The following PARD3B variants were observed in gnomAD, a reference collection of about 807,000 sequenced individuals.
PARD3B encodes par-3 family cell polarity regulator beta.
A neutral mutation model predicts 130.2 loss-of-function variants in PARD3B; 103 were observed. That is an observed-to-expected ratio of 0.79 (90% confidence interval 0.67 to 0.93). The LOEUF is 0.93. Among genes scored for constraint, PARD3B ranks in the 40% least tolerant of loss-of-function variants. The probability of loss-of-function intolerance (pLI) is 0.00; values close to 1 mark genes in which losing one functional copy is unlikely to be tolerated. For synonymous variants in PARD3B, 583 were observed against 553.2 expected (o/e 1.05, Z -0.76); for missense variants, 1,609 against 1,499.2 (o/e 1.07, Z -1.21).
At chr2:204,927,369 G>A (rs1219530218) in intron 2 of PARD3B, among the ~76,000 whole-genome samples, 1 of 152,136 alleles carries the variant, frequency 6.6e-6, no homozygotes, top group Non-Finnish European at 1.5e-5. Context: ...CACCATGCAA[G>A]GGTGCAGCGA....
intron 2 of PARD3B, among the ~76,000 whole-genome samples, chr2:204,910,908 C>T (rs1240419172): frequency 6.6e-6 from 1 of 152,180 alleles, no homozygotes; most frequent in Non-Finnish European, 1.5e-5. Flanking sequence ...TCCCAAAGTG[C>T]TGGGATTACA....
At chr2:205,312,836 G>A (rs998943026) in intron 18 of PARD3B, among the ~76,000 whole-genome samples, 5 of 152,080 alleles carry the variant, frequency 3.3e-5, no homozygotes, top group Admixed American at 2.6e-4. Flanking sequence ...TACTATCACA[G>A]GCCTGGGCCC....
chr2:205,198,331 C>T (rs1025496098), intron 15 of PARD3B, among the ~76,000 whole-genome samples: 9 of 152,116 alleles, frequency 5.9e-5, no homozygotes, highest in South Asian at 2.1e-4. Context: ...GGCATTCAGA[C>T]GAAATTTTAG....
At chr2:205,154,237 G>T (rs1010979807) in intron 10 of PARD3B, among the ~76,000 whole-genome samples, 2 of 152,112 alleles carry the variant, frequency 1.3e-5, no homozygotes, top group Non-Finnish European at 2.9e-5. Flanking sequence ...GTGGGTGAAG[G>T]ATATGAAAAA....
intron 1 of PARD3B, 109 bp from the exon 2 acceptor site, chr2:204,686,072 G>A (rs780130261): frequency 4.9e-5 from 35 of 718,640 alleles, no homozygotes; most frequent in South Asian, 7.9e-5. Flanking sequence ...TTAAAAATTT[G>A]ATTACTAGAA....
intron 8 of PARD3B, among the ~76,000 whole-genome samples, chr2:205,123,104 C>T (rs949111420): frequency 6.6e-6 from 1 of 152,082 alleles, no homozygotes; most frequent in Admixed American, 6.6e-5. Flanking sequence ...ATTAATCTGA[C>T]AGCAAAAAGA....
chr2:205,445,480 G>A (rs905824289), intron 20 of PARD3B, among the ~76,000 whole-genome samples: 5 of 152,130 alleles, frequency 3.3e-5, no homozygotes, highest in African/African-American at 1.2e-4. Context: ...AAGCAGGCAG[G>A]TCTTACATGG....
rs368896954 is a variant in PARD3B, at chr2:205,124,386, C to T, written c.1225C>T (p.Pro409Ser). ...TRDSSIHGPG[P>S]IFVKNILPKG... is the part of the protein sequence containing the mutation. ...AGACTCTTCCATACATGGTCCCGGT[C>T]CCATTTTTGTAAAAAACATTTTACC... Residue 409 changes from proline (P) to serine (S), a missense_variant, in exon 9 of 23, where the codon CCC (proline) becomes TCC (serine). Physicochemically the swap from Pro to Ser is moderately conservative, Grantham distance 74. Coordinates refer to ENST00000406610, the MANE Select transcript of PARD3B (RefSeq NM_001302769.2). 145 of 1,601,504 alleles carry T rather than the reference C, an allele frequency of 9.1e-5. No individual in the cohort carries two copies. The highest frequency in any genetic ancestry group is 1.2e-4 in the Non-Finnish European group (142 of 1,173,174).
At chr2:205,166,742 A>G (rs849113) in intron 11 of PARD3B, among the ~76,000 whole-genome samples, 114,597 of 152,042 alleles carry the variant, frequency 0.75, 43,536 homozygotes, top group African/African-American at 0.8. Context: ...GATTCGTTGA[A>G]GATAATTCTC....
At chr2:205,425,787 A>G (rs2047124800) in intron 19 of PARD3B, among the ~76,000 whole-genome samples, 1 of 152,208 alleles carries the variant, frequency 6.6e-6, no homozygotes, top group South Asian at 2.1e-4. Flanking sequence ...AAAGAACATC[A>G]ACATGCCCTT....
intron 11 of PARD3B, among the ~76,000 whole-genome samples, chr2:205,167,103 G>A (rs988156984): frequency 6.6e-6 from 1 of 152,104 alleles, no homozygotes; most frequent in Non-Finnish European, 1.5e-5. Flanking sequence ...AGAGGTAACA[G>A]GGCAGTTGAG....
intron 20 of PARD3B, among the ~76,000 whole-genome samples, chr2:205,442,536 C>T (rs2047756110): frequency 2.6e-5 from 4 of 152,132 alleles, no homozygotes; most frequent in African/African-American, 7.2e-5. Flanking sequence ...CTCCTGACCT[C>T]ATGATCCACC....
chr2:205,394,049 C>A (rs532648393), intron 18 of PARD3B, among the ~76,000 whole-genome samples: 5 of 152,232 alleles, frequency 3.3e-5, no homozygotes, highest in Middle Eastern at 3.4e-3. Flanking sequence ...ATTTACCTGA[C>A]AATTTATGTT....
chr2:205,380,771 A>ATATACTATATATAAAGAATATATATG (rs1450114119), intron 18 of PARD3B, among the ~76,000 whole-genome samples: 1 of 101,272 alleles, frequency 9.9e-6, no homozygotes, highest in African/African-American at 4.5e-5. Context: ...GAATATATAT[A>ATATACTATATATAAAGAATATATATG]ATATATAAAG....
chr2:204,919,719 ACT>A (rs1487971063), intron 2 of PARD3B, among the ~76,000 whole-genome samples: 3 of 151,972 alleles, frequency 2.0e-5, no homozygotes, highest in African/African-American at 7.3e-5. Context: ...TTAAAATATG[ACT>A]CTTCTTTCAT....
At chr2:204,676,901 G>A (rs543514242) in intron 1 of PARD3B, among the ~76,000 whole-genome samples, 3 of 151,902 alleles carry the variant, frequency 2.0e-5, no homozygotes, top group Admixed American at 6.6e-5. Flanking sequence ...AACTCCTGAC[G>A]TCGTGATCCA....
chr2:204,601,709 C>G (rs1282528541), intron 1 of PARD3B, among the ~76,000 whole-genome samples: 2 of 151,894 alleles, frequency 1.3e-5, no homozygotes, highest in African/African-American at 2.4e-5. Context: ...TCACTGTTAT[C>G]CCAGGAATGC....
intron 1 of PARD3B, among the ~76,000 whole-genome samples, chr2:204,564,545 TA>T (rs201642999): frequency 0.016 from 2,411 of 152,228 alleles, 33 homozygotes; most frequent in Middle Eastern, 0.075. Flanking sequence ...AATGAGAAAT[TA>T]AAAAATATGT....
rs1184750726 is a variant in PARD3B at position 205,197,074 on chromosome 2, TGAGA to T, written c.2140+3770_2140+3773del. On this transcript the variant is annotated intron_variant, in intron 15 of 22. Coordinates refer to ENST00000406610, the MANE Select transcript of PARD3B (RefSeq NM_001302769.2). ...GTGTGTGTGTGTGTGTGTGTGTGTG[TGAGA>T]GAGAGAGAGAGAGAGCATGCACATT... is the stretch of plus-strand genomic sequence containing the variant. 9.7e-5 allele frequency among the ~76,000 whole-genome samples: 14 copies of T among 143,966 alleles called. No individual in the cohort carries two copies. The South Asian group carries it at 1.6e-3, about 16-fold the overall frequency. The allele number at this position is 143,966 out of a possible 152,430, so 94.4% of individuals were successfully genotyped here.
Sources: gnomAD v4.1 joint callset for allele counts (sites outside exome capture counted in the v4.1 genomes callset) on GRCh38, gnomAD v4.1.1 for gene constraint, MANE v1.5 for transcripts, NCBI Gene and HGNC (gene_info 2026-07-23, HGNC 2026-07-21) for gene names.